Variants in FHIT observed in about 807,000 individuals in gnomAD.
FHIT encodes fragile histidine triad diadenosine triphosphatase, also known as bis(5'-adenosyl)-triphosphatase.
FHIT carries 19 observed loss-of-function variants against 17.9 expected under a neutral mutation model. The observed-to-expected ratio is 1.06, with a 90% CI of 0.74 to 1.56. The LOEUF is 1.56. FHIT is among the 40% of genes most tolerant of loss of function. FHIT has a pLI of 0.00. For synonymous variants in FHIT, 81 were observed against 69.7 expected (o/e 1.16, Z -0.81); for missense variants, 248 against 189.2 (o/e 1.31, Z -1.82).
intron 3 of FHIT, among the ~76,000 whole-genome samples, chr3:61,015,624 T>C (rs1177841743): frequency 2.0e-5 from 3 of 152,206 alleles, no homozygotes; most frequent in Non-Finnish European, 4.4e-5. Flanking sequence ...AGCAATTTTA[T>C]GCATTCAGCT....
intron 4 of FHIT, among the ~76,000 whole-genome samples, chr3:60,736,881 T>G (rs1481303831): frequency 6.6e-6 from 1 of 152,178 alleles, no homozygotes. Context: ...AAATCCATGA[T>G]GATAACAATA....
chr3:61,242,339 A>T (rs991947861), intron 1 of FHIT, among the ~76,000 whole-genome samples: 1 of 152,120 alleles, frequency 6.6e-6, no homozygotes, highest in Non-Finnish European at 1.5e-5. Flanking sequence ...AAAGCAGGGC[A>T]CAGATTTTCC....
chr3:60,796,457 C>CGAGG (rs1316600480), intron 4 of FHIT, among the ~76,000 whole-genome samples: 1 of 151,938 alleles, frequency 6.6e-6, no homozygotes, highest in East Asian at 1.9e-4. Context: ...TTCTTCTAAG[C>CGAGG]GAGGCTTTAG....
chr3:61,232,114 T>C (rs187865749), intron 1 of FHIT, among the ~76,000 whole-genome samples: 1 of 152,336 alleles, frequency 6.6e-6, no homozygotes, highest in African/African-American at 2.4e-5. Context: ...CCGGGCATGG[T>C]GGCTCATGCC....
intron 4 of FHIT, among the ~76,000 whole-genome samples, chr3:60,782,235 G>GTATATATATATATATA (rs879948599): frequency 1.3e-4 from 10 of 76,196 alleles, no homozygotes; most frequent in Non-Finnish European, 1.8e-4. Context: ...GTGTGTGTGT[G>GTATATATATATATATA]TGTATATATA....
intron 4 of FHIT, among the ~76,000 whole-genome samples, chr3:60,797,542 G>T (rs1701028017): frequency 6.6e-6 from 1 of 151,200 alleles, no homozygotes; most frequent in Admixed American, 6.6e-5. Flanking sequence ...GAATCTGCTG[G>T]TTCCATTTCA....
chr3:60,303,747 G>A (rs972010336), intron 5 of FHIT, among the ~76,000 whole-genome samples: 6 of 152,150 alleles, frequency 3.9e-5, no homozygotes, highest in South Asian at 4.1e-4. Flanking sequence ...AACCTCCGCA[G>A]GCTTTGCAAG....
rs1364845549 is a variant in FHIT, at chr3:60,097,016, G to A, written c.104-82864C>T. ...GCCAACACAGTGAGACCCTATCTCT[G>A]TTATTATTAAAAAAAAAAAAAAAAA... On this transcript the variant is annotated intron_variant, in intron 5 of 9. Transcript: ENST00000492590. 3.9e-5 allele frequency among the ~76,000 whole-genome samples: 3 copies of A among 77,252 alleles called. No homozygotes were observed. The Admixed American group carries it at 6.0e-4, about 15-fold the overall frequency. 50.7% of individuals were successfully genotyped at this position (77,252 alleles called of 152,430 possible). A position where few individuals can be genotyped will look rare whatever the true frequency, so the allele number is the denominator to read the frequency against.
In FHIT at chr3:59,963,920, C is replaced by T. The variant is rs575555257; in HGVS notation, c.280-41506G>A. Among the ~76,000 whole-genome samples the T allele has an allele frequency of 8.5e-5, 13 of 152,142 alleles. No homozygotes were observed. The East Asian group carries it at 9.6e-4, about 11-fold the overall frequency. The stretch of plus-strand genomic sequence containing the variant: ...AATAAACAGATGCATGTCACTAAAA[C>T]GTCACATTTTTCATCGTAACAGTGT... On this transcript the variant is annotated intron_variant, in intron 7 of 9. Transcript: ENST00000492590.
At chr3:60,961,621 G>T (rs1042204469) in intron 3 of FHIT, among the ~76,000 whole-genome samples, 3 of 152,128 alleles carry the variant, frequency 2.0e-5, no homozygotes, top group Admixed American at 6.5e-5. Context: ...TGTAAGGAAG[G>T]GATCCAGTTT....
chr3:60,174,792 C>T (rs1701591688), intron 5 of FHIT, among the ~76,000 whole-genome samples: 1 of 151,994 alleles, frequency 6.6e-6, no homozygotes, highest in South Asian at 2.1e-4. Context: ...AAATAAAACG[C>T]CATGCCCACT....
chr3:60,525,823 G>A (rs2035552205), intron 5 of FHIT, among the ~76,000 whole-genome samples: 1 of 152,154 alleles, frequency 6.6e-6, no homozygotes. Flanking sequence ...CAGGTGACAG[G>A]TGGCCAGGTG....
intron 5 of FHIT, among the ~76,000 whole-genome samples, chr3:60,305,331 G>T (rs539956717): frequency 1.3e-5 from 2 of 152,038 alleles, no homozygotes; most frequent in Non-Finnish European, 2.9e-5. Context: ...TTGATGTAGT[G>T]GGGACAAATC....
intron 5 of FHIT, among the ~76,000 whole-genome samples, chr3:60,524,569 A>G (rs1348689918): frequency 6.6e-5 from 10 of 152,192 alleles, no homozygotes; most frequent in Non-Finnish European, 2.9e-5. Context: ...ACAAATTACC[A>G]TAAATTGGTG....
At chr3:60,364,393 A>T (rs1287217407) in intron 5 of FHIT, among the ~76,000 whole-genome samples, 2 of 152,216 alleles carry the variant, frequency 1.3e-5, no homozygotes, top group Non-Finnish European at 2.9e-5. Context: ...GGCTTTTTCT[A>T]TCATACTCTG....
At chr3:60,240,222 T>C (rs1705056861) in intron 5 of FHIT, among the ~76,000 whole-genome samples, 1 of 152,120 alleles carries the variant, frequency 6.6e-6, no homozygotes, top group Non-Finnish European at 1.5e-5. Flanking sequence ...TTGGACTGCT[T>C]TCTGATTCTT....
chr3:60,562,955 T>C (rs1388852609), intron 4 of FHIT, among the ~76,000 whole-genome samples: 1 of 152,174 alleles, frequency 6.6e-6, no homozygotes, highest in Non-Finnish European at 1.5e-5. Context: ...AGCCCTGATA[T>C]GGGCCAGGCT....
At chr3:60,094,650 T>C (rs898967499) in intron 5 of FHIT, among the ~76,000 whole-genome samples, 1 of 152,116 alleles carries the variant, frequency 6.6e-6, no homozygotes, top group African/African-American at 2.4e-5. Flanking sequence ...GAAAGGGAAG[T>C]GATGCCAAAG....
chr3:60,769,292 T>C (rs1479535229), intron 4 of FHIT, among the ~76,000 whole-genome samples: 8 of 152,196 alleles, frequency 5.3e-5, no homozygotes, highest in East Asian at 1.9e-4. Flanking sequence ...TGATTAATTA[T>C]AGTGCTATTT....
Sources: allele counts gnomAD v4.1 joint callset (sites outside exome capture counted in the v4.1 genomes callset), GRCh38; gene constraint gnomAD v4.1.1; transcripts MANE v1.5; gene names NCBI Gene and HGNC (gene_info 2026-07-23, HGNC 2026-07-21).